OTULINL: variants seen among roughly 807,000 people sequenced by gnomAD.
OTULINL encodes the protein OTU deubiquitinase with linear linkage specificity like.
A neutral mutation model predicts 43.9 loss-of-function variants in OTULINL; 42 were observed. The observed-to-expected ratio is 0.96, with a 90% CI of 0.75 to 1.24. The LOEUF (loss-of-function observed/expected upper bound fraction) is 1.24, where lower values mean the gene tolerates loss of function less well. OTULINL is among the 50% of genes most tolerant of loss of function. The pLI, the probability that OTULINL is intolerant of heterozygous loss-of-function variation, is 0.00. For missense variants in OTULINL, 411 were observed against 426.4 expected, an observed-to-expected ratio of 0.96 and a Z score of 0.32; for synonymous variants, 172 against 153.6, an observed-to-expected ratio of 1.12 and a Z score of -0.88.
At chr5:14,584,352 G>A (rs527752592) in intron 1 of OTULINL, among the ~76,000 whole-genome samples, 3 of 152,298 alleles carry the variant, frequency 2.0e-5, no homozygotes, top group Non-Finnish European at 4.4e-5. Context: ...CTTAGGGGCC[G>A]GTGTTGGGGG....
Position 14,581,948 on chromosome 5 carries a change from T to C in OTULINL, c.54T>C (p.Ala18=), listed in dbSNP as rs996038770. ...TRARERERSG[A]PAAGSDQVHS... Reference sequence around the variant, plus strand: ...CAAGGGAGCGGGAGCGGTCTGGCGCTCCCGCCGCAGGTGAGCCTGGGGCCG... The same window carrying C: ...CAAGGGAGCGGGAGCGGTCTGGCGCCCCCGCCGCAGGTGAGCCTGGGGCCG... The change falls in exon 1 of 8, where the codon GCT becomes GCC. Residue 18 remains alanine (A), a synonymous_variant. Transcript: ENST00000274217. 3 of 1,277,494 alleles carry C rather than the reference T, an allele frequency of 2.3e-6. No homozygotes were observed. The highest frequency in any genetic ancestry group is 3.3e-5 in the Admixed American group (1 of 30,256). 79.1% of individuals were successfully genotyped at this position (1,277,494 alleles called of 1,614,324 possible).
chr5:14,607,533 G>A, intron 6 of OTULINL, 75 bp downstream of exon 6: 1 of 1,561,936 alleles, frequency 6.4e-7, no homozygotes, highest in Middle Eastern at 1.7e-4. Context: ...TTTCTCTGAT[G>A]TCAGGGACAT....
rs762628249 is a variant in OTULINL at position 14,610,434 on chromosome 5, G to T, written c.*120G>T. The stretch of plus-strand genomic sequence containing the variant: ...GAAGGAATTAGGACCTTTTCTTCAG[G>T]ATTACAGGTACACTGGATGCAGCCA... On this transcript the variant is annotated 3_prime_UTR_variant, in exon 8 of 8. Transcript: ENST00000274217. 28 of 1,007,558 alleles carry T rather than the reference G, an allele frequency of 2.8e-5. No homozygotes were observed. Among genetic ancestry groups the T allele is most frequent in the Admixed American group, 1.8e-4 (7 of 39,104 alleles). The allele number at this position is 1,007,558 out of a possible 1,614,324, so 62.4% of individuals were successfully genotyped here. A position where few individuals can be genotyped will look rare whatever the true frequency, so the allele number is the denominator to read the frequency against.
intron 1 of OTULINL, among the ~76,000 whole-genome samples, chr5:14,590,368 CA>C (rs976239010): frequency 1.3e-5 from 2 of 152,160 alleles, no homozygotes; most frequent in Admixed American, 1.3e-4. Flanking sequence ...TGATGGAATG[CA>C]GATTATGTTT....
In OTULINL at chr5:14,610,344, C is replaced by G; in HGVS notation, c.*30C>G. The G allele has an allele frequency of 6.2e-7, 1 of 1,600,648 alleles. No homozygotes were observed. The highest frequency in any genetic ancestry group is 8.5e-7 in the Non-Finnish European group (1 of 1,173,334). On this transcript the variant is annotated 3_prime_UTR_variant, in exon 8 of 8. Transcript: ENST00000274217. ...GCTGGGGGCCGAACAGCAGTGCTCA[C>G]CAGTGACGGTGGTCACAGTTGCAAT...
chr5:14,592,504 G>A (rs1389685017), intron 1 of OTULINL, among the ~76,000 whole-genome samples: 2 of 152,086 alleles, frequency 1.3e-5, no homozygotes, highest in Admixed American at 6.5e-5. Flanking sequence ...ATTCCTGTTA[G>A]AGCTCATCAG....
chr5:14,609,582 A>T (rs1032169531), intron 7 of OTULINL, among the ~76,000 whole-genome samples: 30 of 145,892 alleles, frequency 2.1e-4, no homozygotes, highest in Admixed American at 1.1e-3. Flanking sequence ...GTGTTCTTTT[A>T]TTTTTTCACT....
At chr5:14,595,717 A>C (rs140994975) in intron 1 of OTULINL, among the ~76,000 whole-genome samples, 1 of 135,020 alleles carries the variant, frequency 7.4e-6, no homozygotes, top group Non-Finnish European at 1.5e-5. Context: ...TTGAGTGATC[A>C]CAGATCAGAT....
rs558783926 is a variant in OTULINL at position 14,613,353 on chromosome 5, T to G, written c.*3039T>G. ...TTCAAAGCAGGCAACTTTAATTCCC[T>G]ACCTGGTATCTGGATTCCTTTTCCT... On this transcript the variant is annotated 3_prime_UTR_variant, in exon 8 of 8. Coordinates refer to ENST00000274217, the MANE Select transcript of OTULINL (RefSeq NM_019018.3). Among the ~76,000 whole-genome samples, 1 of 152,354 alleles carries G rather than the reference T, an allele frequency of 6.6e-6. No individual in the cohort carries two copies. The highest frequency in any genetic ancestry group is 2.4e-5 in the African/African-American group (1 of 41,586).
At chr5:14,582,384 G>A (rs1213786982) in intron 1 of OTULINL, among the ~76,000 whole-genome samples, 2 of 152,088 alleles carry the variant, frequency 1.3e-5, no homozygotes, top group Non-Finnish European at 2.9e-5. Context: ...CTCTCGGGGA[G>A]CTCGACTCGC....
At chr5:14,601,269 CTTTA>C in intron 3 of OTULINL, 25 bp downstream of exon 3, 1 of 1,609,232 alleles carries the variant, frequency 6.2e-7, no homozygotes, top group Non-Finnish European at 8.5e-7. Flanking sequence ...TCATTTATTT[CTTTA>C]TTTTTAAGGT....
Position 14,591,228 on chromosome 5 carries a change from AG to A in OTULINL, c.64+9271del, listed in dbSNP as rs574344194. Among the ~76,000 whole-genome samples, 77 of 152,370 alleles carry A rather than the reference AG, an allele frequency of 5.1e-4. 1 individual carries two copies. The highest frequency in any genetic ancestry group is 3.1e-3 in the South Asian group (15 of 4,828). On this transcript the variant is annotated intron_variant, in intron 1 of 7. Coordinates refer to ENST00000274217, the MANE Select transcript of OTULINL (RefSeq NM_019018.3). ...GGTCCTGCCTGGGTCTAAAGATCCCAGAACTGGCCCACATGATCTGGATAAT... is the reference window on the plus strand; with the variant it reads ...GGTCCTGCCTGGGTCTAAAGATCCCAAACTGGCCCACATGATCTGGATAAT...
chr5:14,607,512 A>G, intron 6 of OTULINL, 54 bp downstream of exon 6: 26 of 1,601,586 alleles, frequency 1.6e-5, no homozygotes, highest in Non-Finnish European at 2.1e-5. Flanking sequence ...CATATCCCAG[A>G]TAGAGCCAGT....
In OTULINL at chr5:14,613,356, C is replaced by T. The variant is rs1759613473; in HGVS notation, c.*3042C>T. On this transcript the variant is annotated 3_prime_UTR_variant, in exon 8 of 8. Coordinates refer to ENST00000274217, the MANE Select transcript of OTULINL (RefSeq NM_019018.3). ...AAAGCAGGCAACTTTAATTCCCTACCTGGTATCTGGATTCCTTTTCCTTTT... is the reference window on the plus strand; with the variant it reads ...AAAGCAGGCAACTTTAATTCCCTACTTGGTATCTGGATTCCTTTTCCTTTT... Among the ~76,000 whole-genome samples, 2 of 152,184 alleles carry T rather than the reference C, an allele frequency of 1.3e-5. No homozygotes were observed. Among genetic ancestry groups the T allele is most frequent in the Admixed American group, 6.5e-5 (1 of 15,278 alleles).
At position 14,608,894 on chromosome 5, in the gene OTULINL, G is replaced by A. The variant is rs756899756; in HGVS notation, c.774G>A (p.Met258Ile). ...LYQVTEVYEQ[M>I]KTKKVIPSLF... Reference sequence around the variant, plus strand: ...AAGTCACTGAAGTTTATGAACAAATGAAGACTAAAAAGGTCATTCCCAGTC... The same window carrying A: ...AAGTCACTGAAGTTTATGAACAAATAAAGACTAAAAAGGTCATTCCCAGTC... Residue 258 changes from methionine (M) to isoleucine (I), a missense_variant, in exon 7 of 8, where the codon ATG (methionine) becomes ATA (isoleucine). Transcript: ENST00000274217. 2 of 1,614,112 alleles carry A rather than the reference G, an allele frequency of 1.2e-6. No homozygotes were observed.
intron 7 of OTULINL, 65 bp from the exon 8 acceptor site, chr5:14,610,076 C>A (rs529068197): frequency 7.7e-6 from 11 of 1,434,438 alleles, no homozygotes; most frequent in Admixed American, 1.7e-5. Context: ...CACTTCCCCC[C>A]ACCGTGGCGG....
intron 1 of OTULINL, among the ~76,000 whole-genome samples, chr5:14,586,221 T>G (rs1259490902): frequency 6.6e-6 from 1 of 152,240 alleles, no homozygotes; most frequent in Non-Finnish European, 1.5e-5. Flanking sequence ...TTTATCTGAT[T>G]TGTAATTAAT....
At chr5:14,587,178 T>G (rs1466065995) in intron 1 of OTULINL, among the ~76,000 whole-genome samples, 1 of 152,250 alleles carries the variant, frequency 6.6e-6, no homozygotes, top group African/African-American at 2.4e-5. Context: ...CCCTAGGTCT[T>G]AGAATAACAC....
At chr5:14,603,085 T>A (rs1401744920) in intron 5 of OTULINL, among the ~76,000 whole-genome samples, 1 of 152,236 alleles carries the variant, frequency 6.6e-6, no homozygotes, top group African/African-American at 2.4e-5. Flanking sequence ...ATTCAGTATG[T>A]AGCTTTTTGA....
Sources: allele counts gnomAD v4.1 joint callset (sites outside exome capture counted in the v4.1 genomes callset), GRCh38; gene constraint gnomAD v4.1.1; transcripts MANE v1.5; gene names NCBI Gene and HGNC (gene_info 2026-07-23, HGNC 2026-07-21).